GOLGA4: variants seen among roughly 807,000 people sequenced by gnomAD.
The protein encoded by GOLGA4 is golgin subfamily A member 4.
A neutral mutation model predicts 265.9 loss-of-function variants in GOLGA4; 169 were observed. The observed-to-expected ratio is 0.64, with a 90% CI of 0.56 to 0.72. The LOEUF is 0.72. Among genes scored for constraint, GOLGA4 ranks in the 30% least tolerant of loss-of-function variants. The probability of loss-of-function intolerance (pLI) is 0.00; values close to 1 mark genes in which losing one functional copy is unlikely to be tolerated. For missense variants in GOLGA4, 2,482 were observed against 2,483.4 expected (o/e 1.00, Z 0.01); for synonymous variants, 923 against 855.8 (o/e 1.08, Z -1.37).
rs747411044 is a variant in GOLGA4 at position 37,335,093 on chromosome 3, A to G, written c.6233A>G (p.Gln2078Arg). The change falls in exon 17 of 24, where the codon CAG (glutamine) becomes CGG (arginine). Residue 2078 changes from glutamine to arginine, a missense_variant. Physicochemically the swap from Gln to Arg is conservative, Grantham distance 43. Around this residue, in one of 3 missense-constraint regions of GOLGA4, gnomAD observed 942 missense variants for 983.1 expected, o/e 0.96. Transcript: ENST00000361924. ...ATGACTGCAAAAGTAAGGGACCTGC[A>G]GACTCAACTTGAGGAGCTGCAGAAG... is the stretch of plus-strand genomic sequence containing the variant. ...EEMTAKVRDL[Q>R]TQLEELQKKY... 54 of 1,609,584 alleles carry G rather than the reference A, an allele frequency of 3.4e-5. No individual in the cohort carries two copies. The highest frequency in any genetic ancestry group is 2.0e-4 in the African/African-American group (15 of 74,760).
intron 2 of GOLGA4, among the ~76,000 whole-genome samples, chr3:37,257,974 C>T (rs979266212): frequency 2.2e-4 from 9 of 40,206 alleles, no homozygotes; most frequent in Non-Finnish European, 3.3e-4. Flanking sequence ...TATATACATA[C>T]ATATATATAT....
At chr3:37,335,229 C>G in intron 17 of GOLGA4, 63 bp downstream of exon 17, 2 of 853,182 alleles carry the variant, frequency 2.3e-6, no homozygotes, top group Non-Finnish European at 3.9e-6. Flanking sequence ...TGTGATTTGA[C>G]TAGCCTACTA....
At chr3:37,297,245 G>C (rs2096880860) in intron 7 of GOLGA4, among the ~76,000 whole-genome samples, 1 of 152,124 alleles carries the variant, frequency 6.6e-6, no homozygotes, top group Non-Finnish European at 1.5e-5. Context: ...TCTTTCAAAG[G>C]GACTTATGAT....
At chr3:37,361,213 A>G (rs1324874436) in intron 22 of GOLGA4, 30 bp from the exon 23 acceptor site, 21 of 1,561,414 alleles carry the variant, frequency 1.3e-5, no homozygotes, top group African/African-American at 4.1e-5. Flanking sequence ...AAACTAACCC[A>G]ATAAGCTTTT....
intron 5 of GOLGA4, among the ~76,000 whole-genome samples, chr3:37,292,119 C>T (rs1457638444): frequency 1.3e-5 from 2 of 152,096 alleles, no homozygotes; most frequent in African/African-American, 4.8e-5. Flanking sequence ...GAAATGAAAA[C>T]TTGCAAAATC....
rs1451620470 is a variant in GOLGA4, at chr3:37,302,196, C to G, written c.1098C>G (p.Ile366Met). ...TCACTTCTATTCAGGGAATGGTAAT[C>G]GCAGAGACAAAACGTCAGATGCATG... ...EQLEQDKGMVIAETKRQMHET... is the reference protein window; with the variant it reads ...EQLEQDKGMVMAETKRQMHET... The change falls in exon 10 of 24, where the codon ATC becomes ATG. Residue 366 changes from isoleucine (I) to methionine (M), a missense_variant. Coordinates refer to ENST00000361924, the MANE Select transcript of GOLGA4 (RefSeq NM_002078.5). 3.7e-6 allele frequency: 6 copies of G among 1,612,866 alleles called. No individual in the cohort carries two copies. The highest frequency in any genetic ancestry group is 4.2e-6 in the Non-Finnish European group (5 of 1,179,116).
At chr3:37,341,687 C>G (rs949958611) in intron 20 of GOLGA4, 1 of 152,238 alleles carries the variant, frequency 6.6e-6, no homozygotes, top group Non-Finnish European at 1.5e-5. Flanking sequence ...CCAATCTCAT[C>G]TGATCTCAGA....
chr3:37,291,615 G>C (rs2096864932), intron 5 of GOLGA4, among the ~76,000 whole-genome samples: 2 of 152,200 alleles, frequency 1.3e-5, no homozygotes, highest in Admixed American at 6.5e-5. Flanking sequence ...TGTCATGCTT[G>C]TCTGTGGTAA....
chr3:37,249,749 AG>A (rs2096728923), intron 1 of GOLGA4: 2 of 152,232 alleles, frequency 1.3e-5, no homozygotes, highest in African/African-American at 4.8e-5. Flanking sequence ...CTAGGTAAGC[AG>A]AAAAATAATT....
chr3:37,282,312 C>G, intron 3 of GOLGA4, 40 bp downstream of exon 3: 1 of 1,445,130 alleles, frequency 6.9e-7, no homozygotes, highest in South Asian at 1.2e-5. Flanking sequence ...AAATTTCTTC[C>G]CCTTGTTCTC....
chr3:37,341,153 C>T (rs2097032625), intron 20 of GOLGA4, among the ~76,000 whole-genome samples: 1 of 152,000 alleles, frequency 6.6e-6, no homozygotes, highest in Non-Finnish European at 1.5e-5. Context: ...AAATGATCCA[C>T]CTGCCTCCCA....
intron 2 of GOLGA4, among the ~76,000 whole-genome samples, chr3:37,265,393 A>G (rs766473426): frequency 1.3e-5 from 2 of 152,228 alleles, no homozygotes; most frequent in African/African-American, 2.4e-5. Context: ...AGAGAAAAAT[A>G]ATGTGGTATG....
Position 37,251,381 on chromosome 3 carries a change from A to G in GOLGA4, c.73-14A>G. 1 of 1,573,954 alleles carries G rather than the reference A, an allele frequency of 6.4e-7. No individual in the cohort carries two copies. On this transcript the variant is annotated splice_polypyrimidine_tract_variant and intron_variant, in intron 1 of 23. Coordinates refer to ENST00000361924, the MANE Select transcript of GOLGA4 (RefSeq NM_002078.5). The stretch of plus-strand genomic sequence containing the variant: ...TATAGTCTTGCTAATTTGTGCAATA[A>G]TTTTTAAATCTAGGCGTCCTCCAAT...
chr3:37,283,405 G>A (rs1301977343), intron 3 of GOLGA4, among the ~76,000 whole-genome samples: 4 of 151,986 alleles, frequency 2.6e-5, no homozygotes, highest in South Asian at 2.1e-4. Flanking sequence ...GTTAATAATC[G>A]TTATGAATCT....
At chr3:37,253,218 G>A (rs1399603762) in intron 2 of GOLGA4, among the ~76,000 whole-genome samples, 1 of 151,000 alleles carries the variant, frequency 6.6e-6, no homozygotes, top group Non-Finnish European at 1.5e-5. Context: ...GATTGCACCA[G>A]CCTAGGTGAC....
At chr3:37,284,192 TTTTTC>T (rs2096842052) in intron 3 of GOLGA4, among the ~76,000 whole-genome samples, 1 of 152,132 alleles carries the variant, frequency 6.6e-6, no homozygotes, top group Non-Finnish European at 1.5e-5. Context: ...TTGAGCACAA[TTTTTC>T]TTTTATTTTT....
chr3:37,246,673 C>T (rs546055695), intron 1 of GOLGA4, among the ~76,000 whole-genome samples: 11 of 152,132 alleles, frequency 7.2e-5, no homozygotes, highest in Non-Finnish European at 1.3e-4. Flanking sequence ...AAGATGAAAA[C>T]GTACTGGTGA....
chr3:37,349,618 G>T (rs1309734900), intron 21 of GOLGA4, among the ~76,000 whole-genome samples: 1 of 152,156 alleles, frequency 6.6e-6, no homozygotes, highest in Admixed American at 6.6e-5. Context: ...GTATTGGGAG[G>T]GGGTAGCCCT....
intron 10 of GOLGA4, 90 bp downstream of exon 10, chr3:37,302,422 G>C: frequency 8.7e-7 from 1 of 1,147,040 alleles, no homozygotes; most frequent in Non-Finnish European, 1.2e-6. Flanking sequence ...GTTAAATATT[G>C]ATAAAAATTC....
Sources: gnomAD v4.1 joint callset for allele counts (sites outside exome capture counted in the v4.1 genomes callset) on GRCh38, gnomAD v4.1.1 for gene constraint, gnomAD v4.1.1 regional missense constraint, MANE v1.5 for transcripts, NCBI Gene and HGNC (gene_info 2026-07-23, HGNC 2026-07-21) for gene names.